Variants in GBE1 observed in about 807,000 individuals in gnomAD.
GBE1 encodes the protein 1,4-alpha-glucan branching enzyme 1.
In GBE1, 70 loss-of-function variants were observed where a neutral mutation model predicts 88.8. The ratio of observed to expected loss-of-function variants is 0.79; its 90% CI spans 0.65 to 0.96. GBE1 has a LOEUF of 0.96. Among genes scored for constraint, GBE1 ranks in the 40% least tolerant of loss-of-function variants. GBE1 has a pLI of 0.00. For synonymous variants in GBE1, 284 were observed against 300.1 expected (o/e 0.95, Z 0.56); for missense variants, 872 against 871.0 (o/e 1.00, Z -0.01).
chr3:81,527,712 A>G (rs183428090), intron 14 of GBE1, among the ~76,000 whole-genome samples: 4,233 of 152,190 alleles, frequency 0.028, 84 homozygotes, highest in Non-Finnish European at 0.039. Context: ...AAAAGTCAGG[A>G]AACAACAGGT....
intron 13 of GBE1, 136 bp from the exon 14 acceptor site, chr3:81,535,461 T>C: frequency 1.2e-6 from 1 of 861,912 alleles, no homozygotes; most frequent in South Asian, 2.0e-5. Context: ...TTTTTGAACA[T>C]GTTACAATTT....
intron 14 of GBE1, chr3:81,509,375 AC>A (rs2106825528): frequency 6.7e-6 from 1 of 150,338 alleles, no homozygotes; most frequent in East Asian, 2.0e-4. Flanking sequence ...TGACAATCCT[AC>A]CTGAAAATTA....
chr3:81,680,995 T>A (rs1705332695), intron 2 of GBE1, among the ~76,000 whole-genome samples: 1 of 152,238 alleles, frequency 6.6e-6, no homozygotes. Flanking sequence ...ACAGCCCAAA[T>A]CCACTCAGAT....
At chr3:81,735,544 A>G (rs1201802835) in intron 1 of GBE1, among the ~76,000 whole-genome samples, 1 of 152,196 alleles carries the variant, frequency 6.6e-6, no homozygotes, top group Non-Finnish European at 1.5e-5. Flanking sequence ...GGCGATGCGG[A>G]TGCAGCTGGA....
chr3:81,712,664 G>A (rs1027541896), intron 1 of GBE1, among the ~76,000 whole-genome samples: 1 of 152,062 alleles, frequency 6.6e-6, no homozygotes, highest in African/African-American at 2.4e-5. Flanking sequence ...GGGGGAAGGG[G>A]GGAGGGATAG....
chr3:81,638,081 T>C (rs1285572519), intron 7 of GBE1, among the ~76,000 whole-genome samples: 3 of 152,120 alleles, frequency 2.0e-5, no homozygotes, highest in Admixed American at 6.5e-5. Flanking sequence ...ATGCCCACCA[T>C]GGTTAAGAAG....
chr3:81,511,146 C>T (rs1299419599), intron 14 of GBE1, among the ~76,000 whole-genome samples: 1 of 151,870 alleles, frequency 6.6e-6, no homozygotes. Context: ...GATAGTAGAC[C>T]TCGACCTTTC....
intron 1 of GBE1, among the ~76,000 whole-genome samples, chr3:81,748,225 A>C (rs1329354156): frequency 6.6e-6 from 1 of 152,244 alleles, no homozygotes. Context: ...ATAGAAAATA[A>C]TACTTTAAAA....
intron 7 of GBE1, among the ~76,000 whole-genome samples, chr3:81,598,576 A>G (rs116448996): frequency 6.6e-6 from 1 of 151,990 alleles, no homozygotes; most frequent in African/African-American, 2.4e-5. Flanking sequence ...TGTTTTGCTC[A>G]TAATTTGTAT....
At chr3:81,519,281 A>G (rs551834357) in intron 14 of GBE1, among the ~76,000 whole-genome samples, 4 of 151,662 alleles carry the variant, frequency 2.6e-5, no homozygotes, top group African/African-American at 9.6e-5. Flanking sequence ...GTTTAATGAA[A>G]ATATTTCAAC....
chr3:81,729,389 G>C (rs1706156966), intron 1 of GBE1, among the ~76,000 whole-genome samples: 1 of 152,174 alleles, frequency 6.6e-6, no homozygotes, highest in Non-Finnish European at 1.5e-5. Flanking sequence ...GCCTGCATAA[G>C]CTAGGAGTGA....
chr3:81,695,329 T>A (rs1028069015), intron 2 of GBE1, among the ~76,000 whole-genome samples: 4 of 152,254 alleles, frequency 2.6e-5, no homozygotes, highest in Admixed American at 2.0e-4. Flanking sequence ...TAAAGAGTAC[T>A]GTTACATGCT....
chr3:81,581,349 T>C (rs1201145975), intron 10 of GBE1, 74 bp from the exon 11 acceptor site: 4 of 812,328 alleles, frequency 4.9e-6, no homozygotes, highest in Non-Finnish European at 7.9e-6. Flanking sequence ...AATCTGAAGT[T>C]ATGCATTATA....
intron 12 of GBE1, among the ~76,000 whole-genome samples, chr3:81,565,411 T>C (rs574503099): frequency 1.3e-5 from 2 of 152,156 alleles, no homozygotes; most frequent in East Asian, 1.9e-4. Flanking sequence ...ATCAGAAAAA[T>C]AGAAGAATTT....
intron 14 of GBE1, among the ~76,000 whole-genome samples, chr3:81,506,875 T>C (rs1482933990): frequency 6.6e-6 from 1 of 151,996 alleles, no homozygotes; most frequent in Non-Finnish European, 1.5e-5. Context: ...GGAGAACACA[T>C]GGATGCATAA....
chr3:81,638,141 A>T (rs1413088928), intron 7 of GBE1, among the ~76,000 whole-genome samples: 3 of 152,138 alleles, frequency 2.0e-5, no homozygotes, highest in Non-Finnish European at 4.4e-5. Context: ...TATTCTACAT[A>T]CTTATGACCC....
chr3:81,731,482 A>G (rs1045278112), intron 1 of GBE1, among the ~76,000 whole-genome samples: 8 of 152,126 alleles, frequency 5.3e-5, no homozygotes, highest in African/African-American at 1.9e-4. Flanking sequence ...TTATAAATTA[A>G]TACTCCTTAG....
rs1316897770 is a variant in GBE1, at chr3:81,733,228, T to C, written c.144-27615A>G. 1.3e-5 allele frequency among the ~76,000 whole-genome samples: 2 copies of C among 151,988 alleles called. No individual in the cohort carries two copies. Among genetic ancestry groups the C allele is most frequent in the Non-Finnish European group, 2.9e-5 (2 of 67,996 alleles). On this transcript the variant is annotated intron_variant, in intron 1 of 15. Transcript: ENST00000429644. This position sits in a 1 kb window ranked among gnomAD's most constrained non-coding sequence, Gnocchi z 4.0. ...GAACTGCACATGCAAGGGATCTAAG[T>C]TGCGTGTTCCCATGAGAATCTAATG...
intron 2 of GBE1, among the ~76,000 whole-genome samples, chr3:81,690,474 T>C (rs776557326): frequency 6.6e-6 from 1 of 152,226 alleles, no homozygotes; most frequent in Non-Finnish European, 1.5e-5. Context: ...AAACAATACA[T>C]GTGCATTAAA....
Sources: allele counts gnomAD v4.1 joint callset (sites outside exome capture counted in the v4.1 genomes callset), GRCh38; gene constraint gnomAD v4.1.1; non-coding constraint Gnocchi (gnomAD v3.1); transcripts MANE v1.5; gene names NCBI Gene and HGNC (gene_info 2026-07-23, HGNC 2026-07-21).